Variants in PRKCA observed in about 807,000 individuals in gnomAD.
PRKCA encodes the protein protein kinase C alpha.
In PRKCA, 27 loss-of-function variants were observed where a neutral mutation model predicts 87.0. The observed-to-expected ratio is 0.31, with a 90% CI of 0.23 to 0.43. PRKCA has a LOEUF of 0.43. Ranked by LOEUF, PRKCA falls within the 20% of genes least tolerant of loss-of-function variation. PRKCA has a pLI of 1.00. For synonymous variants in PRKCA, 329 were observed against 311.1 expected (o/e 1.06, Z -0.61); for missense variants, 518 against 852.3 (o/e 0.61, Z 4.88).
At chr17:66,495,576 A>C (rs962718813) in intron 2 of PRKCA, among the ~76,000 whole-genome samples, 9 of 61,938 alleles carry the variant, frequency 1.5e-4, no homozygotes, top group Non-Finnish European at 3.6e-4. Context: ...TTTGAGACGG[A>C]GTTTCACTCT....
intron 7 of PRKCA, among the ~76,000 whole-genome samples, 160 bp from the exon 8 acceptor site, chr17:66,688,790 TA>T (rs1485596723): frequency 4.1e-4 from 63 of 152,104 alleles, no homozygotes; most frequent in Non-Finnish European, 1.5e-5. Flanking sequence ...ACAACAGAGC[TA>T]CCCTGTCTCA....
chr17:66,358,141 A>G (rs1012934925), intron 2 of PRKCA, among the ~76,000 whole-genome samples: 2 of 152,144 alleles, frequency 1.3e-5, no homozygotes, highest in South Asian at 2.1e-4. Flanking sequence ...ATTGATACAC[A>G]TGCACATAGA....
Position 66,469,972 on chromosome 17 carries a change from T to C in PRKCA, c.206-26229T>C, listed in dbSNP as rs1915250977. The stretch of plus-strand genomic sequence containing the variant: ...GTTTTATTAGGAAGGTCAGAGATGA[T>C]TTAGAAAGTTAACCCTTCCAAGGGG... On this transcript the variant is annotated intron_variant, in intron 2 of 16. Transcript: ENST00000413366. Among the ~76,000 whole-genome samples the C allele has an allele frequency of 2.6e-5, 4 of 152,238 alleles. No homozygotes were observed. The South Asian group carries it at 8.3e-4, about 32-fold the overall frequency.
chr17:66,447,831 C>A (rs982687950), intron 2 of PRKCA, among the ~76,000 whole-genome samples: 1 of 152,210 alleles, frequency 6.6e-6, no homozygotes, highest in African/African-American at 2.4e-5. Context: ...TTCTGAGATG[C>A]TCTTTCTCTT....
At chr17:66,645,321 C>T in intron 4 of PRKCA, 62 bp from the exon 5 acceptor site, 1 of 1,608,712 alleles carries the variant, frequency 6.2e-7, no homozygotes, top group Non-Finnish European at 8.5e-7. Flanking sequence ...TGCACCAAAA[C>T]ACTGAGGAGC....
At chr17:66,567,900 T>G (rs933373262) in intron 3 of PRKCA, among the ~76,000 whole-genome samples, 1 of 152,224 alleles carries the variant, frequency 6.6e-6, no homozygotes, top group African/African-American at 2.4e-5. Context: ...CGTGAGCCAG[T>G]GGATGGGGAA....
chr17:66,535,677 C>T (rs1967753986), intron 3 of PRKCA, among the ~76,000 whole-genome samples: 1 of 152,184 alleles, frequency 6.6e-6, no homozygotes, highest in South Asian at 2.1e-4. Flanking sequence ...TGGATCTGTC[C>T]TTCCCTTCTG....
chr17:66,727,362 G>A (rs1229232252), intron 8 of PRKCA, among the ~76,000 whole-genome samples: 1 of 152,160 alleles, frequency 6.6e-6, no homozygotes, highest in Non-Finnish European at 1.5e-5. Context: ...AGAAAAAGGT[G>A]GAGATTTCTC....
intron 3 of PRKCA, among the ~76,000 whole-genome samples, chr17:66,571,795 G>A (rs892305808): frequency 2.6e-5 from 4 of 152,212 alleles, no homozygotes; most frequent in African/African-American, 9.6e-5. Flanking sequence ...AGCAGGGGTA[G>A]GAGTGGAGAA....
At chr17:66,685,993 G>GGC (rs1972616310) in intron 5 of PRKCA, among the ~76,000 whole-genome samples, 1 of 152,098 alleles carries the variant, frequency 6.6e-6, no homozygotes, top group South Asian at 2.1e-4. Flanking sequence ...GGGAACCACT[G>GGC]AATCAGGGAG....
chr17:66,339,976 G>C (rs1264614126), intron 2 of PRKCA: 3 of 152,174 alleles, frequency 2.0e-5, no homozygotes, highest in African/African-American at 7.2e-5. Context: ...AGGTGAAAGT[G>C]AAAGGTCTAC....
Position 66,669,868 on chromosome 17 carries a change from C to A in PRKCA, c.530-17243C>A, listed in dbSNP as rs536956008. On this transcript the variant is annotated intron_variant, in intron 5 of 16. Coordinates refer to ENST00000413366, the MANE Select transcript of PRKCA (RefSeq NM_002737.3). ...AGTGAGCTGAGATTGCGCCACTGCA[C>A]CCCAGCCTGGGTGACAGAGCGAGAC... is the stretch of plus-strand genomic sequence containing the variant. Among the ~76,000 whole-genome samples, 41 of 152,314 alleles carry A rather than the reference C, an allele frequency of 2.7e-4. 1 individual carries two copies. In the South Asian group the frequency reaches 8.5e-3, roughly 32 times the overall value.
chr17:66,400,242 C>T (rs1314867355), intron 2 of PRKCA, among the ~76,000 whole-genome samples: 2 of 152,210 alleles, frequency 1.3e-5, no homozygotes, highest in Non-Finnish European at 2.9e-5. Flanking sequence ...ACCTCCACCT[C>T]ATGGGTTCAG....
chr17:66,622,670 T>C (rs972846314), intron 3 of PRKCA, among the ~76,000 whole-genome samples: 2 of 152,184 alleles, frequency 1.3e-5, no homozygotes, highest in African/African-American at 4.8e-5. Flanking sequence ...TACCCAAGAC[T>C]GGGAAGAAAA....
chr17:66,518,591 G>A (rs527678109), intron 3 of PRKCA, among the ~76,000 whole-genome samples: 6 of 152,064 alleles, frequency 3.9e-5, no homozygotes, highest in Non-Finnish European at 8.8e-5. Flanking sequence ...TGATGAACCT[G>A]GTAACCTAAT....
intron 3 of PRKCA, among the ~76,000 whole-genome samples, chr17:66,540,683 C>T (rs1433835349): frequency 6.6e-6 from 1 of 152,196 alleles, no homozygotes; most frequent in Non-Finnish European, 1.5e-5. Context: ...AGACGGAATT[C>T]AGGCTGTAGG....
At chr17:66,730,883 G>A (rs926128598) in intron 8 of PRKCA, among the ~76,000 whole-genome samples, 5 of 152,198 alleles carry the variant, frequency 3.3e-5, no homozygotes, top group Non-Finnish European at 5.9e-5. Flanking sequence ...CAAGAGGGAC[G>A]ACGGATGATT....
chr17:66,781,126 C>T (rs900182643), intron 14 of PRKCA, among the ~76,000 whole-genome samples: 8 of 152,104 alleles, frequency 5.3e-5, no homozygotes, highest in African/African-American at 1.9e-4. Context: ...AAAAATAAAA[C>T]ACGGGCTCCA....
In PRKCA at chr17:66,809,394, G is replaced by T. The variant is rs1598027736; in HGVS notation, c.*5357G>T. The stretch of plus-strand genomic sequence containing the variant: ...TACACAAAAGCCCCCAAATTCCAAA[G>T]ACTTTTTCTTAACCTAAAGGAAGAA... On this transcript the variant is annotated 3_prime_UTR_variant, in exon 17 of 17. Transcript: ENST00000413366. The T allele has an allele frequency of 6.5e-6, 1 of 152,692 alleles. No homozygotes were observed. Among genetic ancestry groups the T allele is most frequent in the East Asian group, 1.9e-4 (1 of 5,192 alleles). 9.5% of individuals were successfully genotyped at this position (152,692 alleles called of 1,614,324 possible).
Sources: allele counts gnomAD v4.1 joint callset (sites outside exome capture counted in the v4.1 genomes callset), GRCh38; gene constraint gnomAD v4.1.1; transcripts MANE v1.5; gene names NCBI Gene and HGNC (gene_info 2026-07-23, HGNC 2026-07-21).